ABLIM1: variants seen among roughly 807,000 people sequenced by gnomAD.
ABLIM1 encodes the protein actin binding LIM protein 1.
A neutral mutation model predicts 107.0 loss-of-function variants in ABLIM1; 40 were observed. That is an observed-to-expected ratio of 0.37 (90% CI 0.29 to 0.49). The LOEUF (loss-of-function observed/expected upper bound fraction) is 0.49. Among genes scored for constraint, ABLIM1 ranks in the 20% least tolerant of loss-of-function variants. The pLI is 0.97. For missense variants in ABLIM1, 857 were observed against 1,008.5 expected (o/e 0.85, Z 2.04); for synonymous variants, 357 against 357.3 (o/e 1.00, Z 0.01).
chr10:114,769,057 G>C (rs1461661270), upstream of ABLIM1, among the ~76,000 whole-genome samples: 1 of 151,448 alleles, frequency 6.6e-6, no homozygotes, highest in African/African-American at 2.4e-5. Context: ...TCTATGGCCG[G>C]GTGTGGTGGC....
At chr10:114,725,091 C>T (rs990461340) in intron 1 of ABLIM1, among the ~76,000 whole-genome samples, 5 of 152,178 alleles carry the variant, frequency 3.3e-5, no homozygotes, top group Non-Finnish European at 4.4e-5. Context: ...CAACAAGCAT[C>T]GGGCCCTCAC....
At chr10:114,713,084 G>T (rs984206390) in intron 1 of ABLIM1, among the ~76,000 whole-genome samples, 4 of 152,190 alleles carry the variant, frequency 2.6e-5, no homozygotes, top group African/African-American at 9.7e-5. Context: ...TTCTTGCCCG[G>T]TTATTTCTAT....
intron 3 of ABLIM1, 142 bp downstream of exon 3, chr10:114,575,274 T>C: frequency 2.2e-6 from 2 of 901,318 alleles, no homozygotes; most frequent in Non-Finnish European, 3.3e-6. Context: ...TTACTAGGAC[T>C]GATAGTACAG....
chr10:114,723,505 A>G (rs1260958243), intron 1 of ABLIM1, among the ~76,000 whole-genome samples: 1 of 152,236 alleles, frequency 6.6e-6, no homozygotes, highest in Non-Finnish European at 1.5e-5. Flanking sequence ...AGGCCAGCAT[A>G]AAAGGGCTGA....
At chr10:114,720,516 A>G (rs78557355) in intron 1 of ABLIM1, among the ~76,000 whole-genome samples, 8,155 of 152,212 alleles carry the variant, frequency 0.054, 346 homozygotes, top group African/African-American at 0.11. Context: ...CCTATTTCTC[A>G]GCAGCCTCGC....
intron 7 of ABLIM1, 70 bp downstream of exon 7, chr10:114,491,721 T>C: frequency 1.4e-6 from 2 of 1,449,896 alleles, no homozygotes; most frequent in Admixed American, 1.7e-5. Flanking sequence ...CTAAAAACAA[T>C]CAAACAAACA....
chr10:114,660,050 C>T (rs113869353), upstream of ABLIM1, among the ~76,000 whole-genome samples: 20 of 152,282 alleles, frequency 1.3e-4, no homozygotes, highest in African/African-American at 3.9e-4. Context: ...AAGAAACAGA[C>T]GCTGTCTAGA....
intron 12 of ABLIM1, among the ~76,000 whole-genome samples, chr10:114,464,104 C>G (rs1383698618): frequency 6.6e-6 from 1 of 152,130 alleles, no homozygotes; most frequent in Non-Finnish European, 1.5e-5. Context: ...CCCCTATAAC[C>G]CCACGCCGCT....
intron 21 of ABLIM1, among the ~76,000 whole-genome samples, chr10:114,438,657 C>A (rs1392795279): frequency 1.3e-5 from 2 of 152,192 alleles, no homozygotes; most frequent in Non-Finnish European, 2.9e-5. Flanking sequence ...ATCTATGGGG[C>A]CAGGCAGGCC....
the ABLIM1 span, among the ~76,000 whole-genome samples, chr10:114,777,568 G>A: frequency 2.6e-5 from 4 of 152,196 alleles, no homozygotes; most frequent in South Asian, 2.1e-4. Flanking sequence ...CCTCCTCCTA[G>A]TGGGACTTTG....
chr10:114,527,051 G>T, intron 6 of ABLIM1: 1 of 845,052 alleles, frequency 1.2e-6, no homozygotes, highest in Non-Finnish European at 1.4e-6. Context: ...CCATTTCTTT[G>T]CATTCACTCA....
At chr10:114,549,547 G>A (rs956683275) in intron 4 of ABLIM1, among the ~76,000 whole-genome samples, 2 of 151,874 alleles carry the variant, frequency 1.3e-5, no homozygotes, top group Admixed American at 6.6e-5. Context: ...AATGACAGGT[G>A]TATTTCTGGC....
At chr10:114,614,088 G>A (rs2140292189) in intron 1 of ABLIM1, among the ~76,000 whole-genome samples, 1 of 152,202 alleles carries the variant, frequency 6.6e-6, no homozygotes, top group African/African-American at 2.4e-5. Context: ...ACATGGGACT[G>A]GGAGGAGAAG....
intron 1 of ABLIM1, among the ~76,000 whole-genome samples, chr10:114,640,754 T>C (rs1591701704): frequency 6.6e-6 from 1 of 152,266 alleles, no homozygotes; most frequent in East Asian, 1.9e-4. Flanking sequence ...ACATTAATAA[T>C]TTAAAATTTT....
chr10:114,510,137 C>A (rs2061653365), intron 6 of ABLIM1, among the ~76,000 whole-genome samples: 1 of 152,132 alleles, frequency 6.6e-6, no homozygotes. Context: ...GGGACACAGC[C>A]AAACCATATC....
At position 114,442,846 on chromosome 10, in the gene ABLIM1, A is replaced by AT. The variant is rs11286352; in HGVS notation, c.1934-1061dup. 1.0e-3 allele frequency among the ~76,000 whole-genome samples: 157 copies of AT among 149,604 alleles called. 1 individual carries two copies. The highest frequency in any genetic ancestry group is 5.3e-4 in the Admixed American group (8 of 15,016). On this transcript the variant is annotated intron_variant, in intron 17 of 22. Coordinates refer to ENST00000533213, the MANE Select transcript of ABLIM1 (RefSeq NM_002313.7). ...CTTGCATGGAGTGAACATTAAATGC[A>AT]TTTTTTTTTTTTGAGACAGAGTCTC...
intron 12 of ABLIM1, chr10:114,463,195 G>A (rs960716071): frequency 2.5e-5 from 31 of 1,228,350 alleles, no homozygotes; most frequent in Non-Finnish European, 2.8e-5. Context: ...GGCAGGGCAC[G>A]GTGGAAACAG....
chr10:114,510,321 T>C (rs1352764033), intron 6 of ABLIM1, among the ~76,000 whole-genome samples: 3 of 150,574 alleles, frequency 2.0e-5, no homozygotes, highest in African/African-American at 7.5e-5. Flanking sequence ...AAATGAGCCT[T>C]CTCCAGCTCC....
intron 6 of ABLIM1, among the ~76,000 whole-genome samples, chr10:114,503,493 C>T (rs1291113171): frequency 3.3e-5 from 5 of 151,946 alleles, no homozygotes; most frequent in Non-Finnish European, 7.4e-5. Context: ...AATAGTGTTG[C>T]TATGAAAATT....
Sources: gnomAD v4.1 joint callset for allele counts (sites outside exome capture counted in the v4.1 genomes callset) on GRCh38, gnomAD v4.1.1 for gene constraint, MANE v1.5 for transcripts, NCBI Gene and HGNC (gene_info 2026-07-23, HGNC 2026-07-21) for gene names.